The following PID1 variants were observed in gnomAD, a reference collection of about 807,000 sequenced individuals.
PID1 encodes the protein PTB-containing, cubilin and LRP1-interacting protein.
PID1 carries 10 observed loss-of-function variants against 19.1 expected under a neutral mutation model. That is an observed-to-expected ratio of 0.52 (90% CI 0.32 to 0.89). The LOEUF (loss-of-function observed/expected upper bound fraction) is 0.89. PID1 is among the 40% of genes least tolerant of loss of function. The pLI is 0.03. For synonymous variants in PID1, 130 were observed against 116.0 expected, an observed-to-expected ratio of 1.12 and a Z score of -0.78; for missense variants, 248 against 285.3, an observed-to-expected ratio of 0.87 and a Z score of 0.94.
At chr2:229,145,804 G>C (rs555313045) in intron 2 of PID1, among the ~76,000 whole-genome samples, 1 of 152,196 alleles carries the variant, frequency 6.6e-6, no homozygotes, top group South Asian at 2.1e-4. Context: ...TACAAAACCT[G>C]TGTAGAACAG....
chr2:229,258,733 G>C (rs1690372792), intron 1 of PID1, among the ~76,000 whole-genome samples: 1 of 151,850 alleles, frequency 6.6e-6, no homozygotes, highest in Admixed American at 6.6e-5. Flanking sequence ...GTAGTGGCGG[G>C]CGCCTGTAGT....
At chr2:229,233,355 G>A (rs1331835029) in intron 1 of PID1, among the ~76,000 whole-genome samples, 1 of 152,122 alleles carries the variant, frequency 6.6e-6, no homozygotes. Context: ...GTCATCATAA[G>A]GTCTTTTGAA....
At chr2:229,152,283 G>A (rs1242111997) in intron 2 of PID1, among the ~76,000 whole-genome samples, 1 of 152,172 alleles carries the variant, frequency 6.6e-6, no homozygotes, top group Non-Finnish European at 1.5e-5. Context: ...AAATTTCTGG[G>A]AAGAAGGTCC....
At chr2:229,156,313 G>C (rs757160306) in intron 1 of PID1, among the ~76,000 whole-genome samples, 1 of 152,240 alleles carries the variant, frequency 6.6e-6, no homozygotes, top group Non-Finnish European at 1.5e-5. Flanking sequence ...ATGTTTGGAA[G>C]AGGATGTTAT....
chr2:229,137,523 T>C (rs146507765), intron 2 of PID1, among the ~76,000 whole-genome samples: 1 of 152,304 alleles, frequency 6.6e-6, no homozygotes, highest in East Asian at 1.9e-4. Flanking sequence ...ATGTTTCCAA[T>C]TAGATACTAA....
At chr2:229,096,340 C>G (rs1286944209) in intron 2 of PID1, among the ~76,000 whole-genome samples, 1 of 152,106 alleles carries the variant, frequency 6.6e-6, no homozygotes, top group Non-Finnish European at 1.5e-5. Flanking sequence ...ACTTTTTGGA[C>G]AGTGCCAGCA....
intron 1 of PID1, among the ~76,000 whole-genome samples, chr2:229,239,346 G>A (rs933929604): frequency 7.9e-5 from 12 of 152,118 alleles, no homozygotes; most frequent in African/African-American, 2.7e-4. Context: ...AGAGGGAAAA[G>A]AGACTGAGAC....
chr2:229,185,522 G>A (rs2106225510), intron 1 of PID1, among the ~76,000 whole-genome samples: 1 of 152,228 alleles, frequency 6.6e-6, no homozygotes, highest in Non-Finnish European at 1.5e-5. Flanking sequence ...TACATGGCTG[G>A]GGAGGCCTCA....
intron 1 of PID1, chr2:229,262,691 A>T: frequency 6.4e-7 from 1 of 1,551,100 alleles, no homozygotes; most frequent in Non-Finnish European, 8.7e-7. Flanking sequence ...ACCATTTCGG[A>T]GGCTGGAAGT....
chr2:229,261,427 A>T (rs1320826671), intron 1 of PID1, among the ~76,000 whole-genome samples: 2 of 152,208 alleles, frequency 1.3e-5, no homozygotes, highest in Non-Finnish European at 2.9e-5. Context: ...GAAAGGAAAC[A>T]GCAGTTGCCA....
rs759354083 is a variant in PID1 at position 229,026,076 on chromosome 2, G to C, written c.210C>G (p.Gly70=). 28 of 1,614,112 alleles carry C rather than the reference G, an allele frequency of 1.7e-5. No individual in the cohort carries two copies. Among genetic ancestry groups the C allele is most frequent in the Non-Finnish European group, 2.4e-5 (28 of 1,179,970 alleles). The change falls in exon 3 of 3, where the codon GGC becomes GGG. Residue 70 remains glycine, a synonymous_variant. Coordinates refer to ENST00000392055, the MANE Select transcript of PID1 (RefSeq NM_001100818.2). The part of the protein sequence containing the change: ...VTYLGKVSTT[G]MQFLSGCTEK... ...CTGTGCAGCCTGACAAAAACTGCAT[G>C]CCAGTGGTGGAGACTTTGCCCAGGT...
At chr2:229,035,968 T>C (rs899089507) in intron 2 of PID1, among the ~76,000 whole-genome samples, 2 of 152,220 alleles carry the variant, frequency 1.3e-5, no homozygotes, top group African/African-American at 2.4e-5. Context: ...ACAGTGTGCA[T>C]AGTTAATATT....
At chr2:229,266,629 AGGATT>A (rs1690597952) in intron 1 of PID1, among the ~76,000 whole-genome samples, 1 of 152,212 alleles carries the variant, frequency 6.6e-6, no homozygotes, top group African/African-American at 2.4e-5. Context: ...TTAAGAAGTA[AGGATT>A]GGAACCAAAC....
intron 2 of PID1, among the ~76,000 whole-genome samples, chr2:229,151,185 GA>G (rs1210372218): frequency 6.6e-6 from 1 of 152,002 alleles, no homozygotes; most frequent in Non-Finnish European, 1.5e-5. Flanking sequence ...CTGAAGAAAA[GA>G]AACAACTTGC....
At chr2:229,103,100 G>T (rs1458234116) in intron 2 of PID1, among the ~76,000 whole-genome samples, 1 of 152,144 alleles carries the variant, frequency 6.6e-6, no homozygotes, top group Non-Finnish European at 1.5e-5. Context: ...TTGAATCAGG[G>T]ATGATAATCA....
At chr2:229,032,329 G>A (rs1187692605) in intron 2 of PID1, among the ~76,000 whole-genome samples, 2 of 152,216 alleles carry the variant, frequency 1.3e-5, no homozygotes, top group Admixed American at 1.3e-4. Flanking sequence ...TAAGAACACA[G>A]AACTCAATGT....
At chr2:229,184,933 C>CAT (rs1373091607) in intron 1 of PID1, among the ~76,000 whole-genome samples, 2 of 134,178 alleles carry the variant, frequency 1.5e-5, no homozygotes, top group Admixed American at 7.7e-5. Context: ...ATATGTATCC[C>CAT]ATATATATAT....
At chr2:229,063,500 T>A (rs1694257037) in intron 2 of PID1, among the ~76,000 whole-genome samples, 1 of 152,162 alleles carries the variant, frequency 6.6e-6, no homozygotes, top group South Asian at 2.1e-4. Flanking sequence ...CTGATATAAT[T>A]TTAATCTTCT....
At chr2:229,027,065 A>T (rs1693438630) in intron 2 of PID1, among the ~76,000 whole-genome samples, 1 of 152,196 alleles carries the variant, frequency 6.6e-6, no homozygotes, top group African/African-American at 2.4e-5. Context: ...CACAAATAGA[A>T]ATACTACGAA....
Sources: allele counts gnomAD v4.1 joint callset (sites outside exome capture counted in the v4.1 genomes callset), GRCh38; gene constraint gnomAD v4.1.1; transcripts MANE v1.5; gene names NCBI Gene and HGNC (gene_info 2026-07-23, HGNC 2026-07-21).